The following PSEN1 variants were observed in gnomAD, a reference collection of about 807,000 sequenced individuals.
The protein encoded by PSEN1 is presenilin 1.
Under a neutral mutation model 53.5 loss-of-function variants are expected in PSEN1, and 15 were observed. That is an observed-to-expected ratio of 0.28 (90% confidence interval 0.19 to 0.43). The LOEUF is 0.43. PSEN1 is among the 20% of genes least tolerant of loss of function. The probability of loss-of-function intolerance (pLI) is 1.00; values close to 1 mark genes in which losing one functional copy is unlikely to be tolerated. For missense variants in PSEN1, 387 were observed against 571.2 expected (o/e 0.68, Z 3.29); for synonymous variants, 208 against 209.8 (o/e 0.99, Z 0.08).
intron 8 of PSEN1, among the ~76,000 whole-genome samples, chr14:73,205,603 G>C (rs983810235): frequency 1.3e-5 from 2 of 152,086 alleles, no homozygotes; most frequent in African/African-American, 4.8e-5. Flanking sequence ...GTTATTGTTG[G>C]TGTATCTTCA....
At chr14:73,143,656 G>A (rs1409435612) in intron 1 of PSEN1, among the ~76,000 whole-genome samples, 1 of 152,148 alleles carries the variant, frequency 6.6e-6, no homozygotes, top group Non-Finnish European at 1.5e-5. Flanking sequence ...GTACCAGCTT[G>A]TATGGTTTCT....
chr14:73,170,452 G>T (rs748522107), intron 3 of PSEN1, among the ~76,000 whole-genome samples: 1 of 152,196 alleles, frequency 6.6e-6, no homozygotes, highest in Non-Finnish European at 1.5e-5. Context: ...ATCACAGAAA[G>T]CTGAATTTGA....
intron 1 of PSEN1, among the ~76,000 whole-genome samples, chr14:73,139,832 T>C (rs1160087741): frequency 1.3e-5 from 2 of 152,204 alleles, no homozygotes; most frequent in African/African-American, 2.4e-5. Flanking sequence ...TGAAAGATAT[T>C]AATACTCTTG....
At chr14:73,165,117 G>A (rs1897670181) in intron 3 of PSEN1, among the ~76,000 whole-genome samples, 1 of 151,784 alleles carries the variant, frequency 6.6e-6, no homozygotes, top group Admixed American at 6.6e-5. Flanking sequence ...CCACCACACT[G>A]GCTAATTTTT....
At position 73,204,900 on chromosome 14, in the gene PSEN1, A is replaced by G. The variant is rs148040036; in HGVS notation, c.869-1486A>G. Among the ~76,000 whole-genome samples the G allele has an allele frequency of 9.8e-3, 1,499 of 152,270 alleles. 12 individuals are homozygous for G. Among genetic ancestry groups the G allele is most frequent in the Middle Eastern group, 0.017 (5 of 294 alleles). ...AAAAATGAAGATAAAAAACTAATCC[A>G]TAAACCTCATACTTGGTGGTTGCCC... On this transcript the variant is annotated intron_variant, in intron 8 of 11. Transcript: ENST00000324501.
At chr14:73,189,896 G>A (rs144466165) in intron 6 of PSEN1, 5,947 of 186,724 alleles carry the variant, frequency 0.032, 139 homozygotes, top group Middle Eastern at 0.06. Flanking sequence ...TCCCTTGACC[G>A]GGTGGGCACT....
rs759120634 is a variant in PSEN1, at chr14:73,219,148, A to G, written c.1263A>G (p.Thr421=). The G allele has an allele frequency of 5.0e-5, 80 of 1,613,950 alleles. 2 individuals are homozygous for G. The South Asian group carries it at 5.3e-4, about 11-fold the overall frequency. Residue 421 remains threonine (T), a synonymous_variant, in exon 12 of 12, where the codon ACA becomes ACG. Transcript: ENST00000324501. ...FVAILIGLCL[T]LLLLAIFKKA... Reference sequence around the variant, plus strand: ...CTTCTCCACAGGGTTTGTGCCTTACATTATTACTCCTTGCCATTTTCAAGA... The same window carrying G: ...CTTCTCCACAGGGTTTGTGCCTTACGTTATTACTCCTTGCCATTTTCAAGA...
chr14:73,170,907 T>A lies in PSEN1; in HGVS notation c.198T>A (p.Asp66Glu). 1.2e-6 allele frequency: 2 copies of A among 1,614,156 alleles called. No homozygotes were observed. The highest frequency in any genetic ancestry group is 1.7e-6 in the Non-Finnish European group (2 of 1,180,024). The change falls in exon 4 of 12, where the codon GAT (aspartate) becomes GAA (glutamate). Residue 66 changes from aspartate (D) to glutamate (E), a missense_variant. Coordinates refer to ENST00000324501, the MANE Select transcript of PSEN1 (RefSeq NM_000021.4). ...QGNSRQVVEQ[D>E]EEEDEELTLK... The stretch of plus-strand genomic sequence containing the variant: ...ACTCCCGGCAGGTGGTGGAGCAAGA[T>A]GAGGAAGAAGATGAGGAGCTGACAT...
intron 7 of PSEN1, 139 bp from the exon 8 acceptor site, chr14:73,197,892 A>C: frequency 1.6e-6 from 1 of 635,318 alleles, no homozygotes; most frequent in Non-Finnish European, 2.8e-6. Context: ...CATTTATTTC[A>C]TATTCATTCA....
chr14:73,144,785 A>G (rs769436966), intron 1 of PSEN1, among the ~76,000 whole-genome samples: 3 of 152,236 alleles, frequency 2.0e-5, no homozygotes, highest in South Asian at 2.1e-4. Flanking sequence ...TAGTATCTCT[A>G]CTAAATTTAT....
At chr14:73,209,654 A>T (rs534436924) in intron 9 of PSEN1, among the ~76,000 whole-genome samples, 1 of 152,222 alleles carries the variant, frequency 6.6e-6, no homozygotes, top group African/African-American at 2.4e-5. Flanking sequence ...TGTGATAGGT[A>T]CTACAAAGAA....
At chr14:73,163,927 G>GT (rs1443922326) in intron 3 of PSEN1, among the ~76,000 whole-genome samples, 1 of 150,530 alleles carries the variant, frequency 6.6e-6, no homozygotes, top group African/African-American at 2.5e-5. Flanking sequence ...ATCTCATTTT[G>GT]TTTAAAAAAA....
chr14:73,178,760 T>C (rs1481348404), intron 5 of PSEN1, among the ~76,000 whole-genome samples: 1 of 152,224 alleles, frequency 6.6e-6, no homozygotes, highest in South Asian at 2.1e-4. Flanking sequence ...TAAGAGTGTT[T>C]GCCCTTACTT....
chr14:73,212,088 C>CCT (rs1899715269), intron 10 of PSEN1, 146 bp downstream of exon 10: 1 of 66,944 alleles, frequency 1.5e-5, no homozygotes, highest in South Asian at 1.8e-4. Flanking sequence ...AGTAATAGTG[C>CCT]TTTTTTTTTT....
At chr14:73,160,662 C>G (rs1897501767) in intron 3 of PSEN1, among the ~76,000 whole-genome samples, 1 of 151,878 alleles carries the variant, frequency 6.6e-6, no homozygotes, top group Admixed American at 6.6e-5. Flanking sequence ...TTTTTTCCCC[C>G]CATATTACAC....
intron 6 of PSEN1, among the ~76,000 whole-genome samples, chr14:73,191,996 G>C (rs1898736311): frequency 6.6e-6 from 1 of 152,114 alleles, no homozygotes; most frequent in Admixed American, 6.6e-5. Flanking sequence ...TTTTAGGTAT[G>C]ATATGATCTT....
At chr14:73,187,888 C>G (rs907444200) in intron 6 of PSEN1, among the ~76,000 whole-genome samples, 1 of 151,940 alleles carries the variant, frequency 6.6e-6, no homozygotes, top group African/African-American at 2.4e-5. Flanking sequence ...TTATTGATTT[C>G]AAAAGCATAA....
intron 3 of PSEN1, among the ~76,000 whole-genome samples, chr14:73,154,533 C>T (rs1158693846): frequency 6.6e-6 from 1 of 151,878 alleles, no homozygotes; most frequent in Non-Finnish European, 1.5e-5. Flanking sequence ...ACTAGGAGGT[C>T]GAGGCTGCAG....
In PSEN1 at chr14:73,217,161, TAC is replaced by T. The variant is rs1435320764; in HGVS notation, c.1167_1168del (p.Tyr389Ter). 1 of 1,613,898 alleles carries T rather than the reference TAC, an allele frequency of 6.2e-7. No homozygotes were observed. Among genetic ancestry groups the T allele is most frequent in the East Asian group, 2.2e-5 (1 of 44,890 alleles). ...VKLGLGDFIFYSVLVGKASAT... is the reference protein window; with the variant it reads ...VKLGLGDFIFXSVLVGKASAT... ...ACTTGGATTGGGAGATTTCATTTTC[TAC>T]AGTGTTCTGGTTGGTAAAGCCTCAG... On this transcript the variant is annotated frameshift_variant, in exon 11 of 12. Transcript: ENST00000324501. LOFTEE classifies it high-confidence loss of function.
Sources: gnomAD v4.1 joint callset for allele counts (sites outside exome capture counted in the v4.1 genomes callset) on GRCh38, gnomAD v4.1.1 for gene constraint, MANE v1.5 for transcripts, NCBI Gene and HGNC (gene_info 2026-07-23, HGNC 2026-07-21) for gene names.